VTA1: variants seen among roughly 807,000 people sequenced by gnomAD.
VTA1 encodes vacuolar protein sorting-associated protein VTA1 homolog.
VTA1 carries 24 observed loss-of-function variants against 36.9 expected under a neutral mutation model. The observed-to-expected ratio is 0.65, with a 90% CI of 0.47 to 0.91. The LOEUF is 0.91. VTA1 is among the 40% of genes least tolerant of loss of function. The pLI is 0.00. For missense variants in VTA1, 393 were observed against 377.2 expected, an observed-to-expected ratio of 1.04 and a Z score of -0.35; for synonymous variants, 142 against 130.2, an observed-to-expected ratio of 1.09 and a Z score of -0.62.
chr6:142,163,124 G>A (rs1208842601), intron 1 of VTA1, among the ~76,000 whole-genome samples: 4 of 152,130 alleles, frequency 2.6e-5, no homozygotes, highest in Non-Finnish European at 5.9e-5. Flanking sequence ...ACTCTTTCAT[G>A]TAAAGAAAGT....
chr6:142,198,117 A>ATGTGTGTG lies in VTA1; in HGVS notation c.521-321_521-320insGTGTGTGT, dbSNP rs1265860816. ...GTCTCAAAAAAAAATATATATATATATATGTGTGTGTGTGTGTGTGTGTGT... is the reference window on the plus strand; with the variant it reads ...GTCTCAAAAAAAAATATATATATATATGTGTGTGTATGTGTGTGTGTGTGTGTGTGTGT... On this transcript the variant is annotated intron_variant, in intron 5 of 7. Coordinates refer to ENST00000367630, the MANE Select transcript of VTA1 (RefSeq NM_016485.5). Among the ~76,000 whole-genome samples, 612 of 78,570 alleles carry ATGTGTGTG rather than the reference A, an allele frequency of 7.8e-3. 4 individuals are homozygous for ATGTGTGTG. The highest frequency in any genetic ancestry group is 0.016 in the African/African-American group (400 of 24,878). The allele number at this position is 78,570 out of a possible 152,430, so 51.5% of individuals were successfully genotyped here. A position where few individuals can be genotyped will look rare whatever the true frequency, so the allele number is the denominator to read the frequency against.
chr6:142,217,014 A>G (rs1182399998), intron 7 of VTA1, among the ~76,000 whole-genome samples: 1 of 152,152 alleles, frequency 6.6e-6, no homozygotes, highest in African/African-American at 2.4e-5. Context: ...TCTGGTAGGT[A>G]TTTTTCAAGA....
chr6:142,161,189 C>T (rs1170184203), intron 1 of VTA1, among the ~76,000 whole-genome samples: 1 of 150,152 alleles, frequency 6.7e-6, no homozygotes, highest in Non-Finnish European at 1.5e-5. Context: ...CACAGAAATC[C>T]CTTCACAAAG....
intron 1 of VTA1, among the ~76,000 whole-genome samples, chr6:142,151,448 GAGAAATACT>G (rs1250371850): frequency 1.3e-5 from 2 of 152,112 alleles, no homozygotes; most frequent in Non-Finnish European, 1.5e-5. Flanking sequence ...AAGAACAAAG[GAGAAATACT>G]GAAGATGAGA....
chr6:142,168,543 G>A (rs1283758166), intron 2 of VTA1, among the ~76,000 whole-genome samples: 1 of 151,370 alleles, frequency 6.6e-6, no homozygotes, highest in Non-Finnish European at 1.5e-5. Context: ...TAAAAATTAG[G>A]AACTTTTTTT....
chr6:142,170,442 G>C, intron 4 of VTA1, 21 bp downstream of exon 4: 1 of 1,492,210 alleles, frequency 6.7e-7, no homozygotes, highest in Non-Finnish European at 9.2e-7. Flanking sequence ...ATTCTTTATT[G>C]TCTTATTAGC....
At chr6:142,186,337 TAG>T (rs2114661670) in intron 4 of VTA1, among the ~76,000 whole-genome samples, 1 of 152,246 alleles carries the variant, frequency 6.6e-6, no homozygotes, top group Non-Finnish European at 1.5e-5. Flanking sequence ...TATCCAAAGT[TAG>T]AGTTTATTTT....
intron 4 of VTA1, among the ~76,000 whole-genome samples, chr6:142,176,332 A>G (rs1775124837): frequency 6.6e-6 from 1 of 152,176 alleles, no homozygotes. Context: ...TGAGATGAAT[A>G]TGTTTTCTGC....
At position 142,169,585 on chromosome 6, in the gene VTA1, T is replaced by A. The variant is rs1774989080; in HGVS notation, c.243T>A (p.Thr81=). The stretch of plus-strand genomic sequence containing the variant: ...AGTTGGGTGATAATGAAGCTATTAC[T>A]CAAGAAATAGTGGGCTGTGCCCATT... ...KKQLGDNEAI[T]QEIVGCAHLE... Residue 81 remains threonine (T), a synonymous_variant, in exon 3 of 8, where the codon ACT becomes ACA. Coordinates refer to ENST00000367630, the MANE Select transcript of VTA1 (RefSeq NM_016485.5). 1.2e-6 allele frequency: 2 copies of A among 1,608,696 alleles called. No individual in the cohort carries two copies. Among genetic ancestry groups the A allele is most frequent in the East Asian group, 4.5e-5 (2 of 44,514 alleles).
At chr6:142,199,136 G>A (rs926507439) in intron 6 of VTA1, among the ~76,000 whole-genome samples, 7 of 125,528 alleles carry the variant, frequency 5.6e-5, no homozygotes, top group Non-Finnish European at 9.8e-5. Flanking sequence ...GCAGGGATTC[G>A]GATTTTTTTT....
chr6:142,174,558 T>C (rs1301857568), intron 4 of VTA1, among the ~76,000 whole-genome samples: 1 of 152,152 alleles, frequency 6.6e-6, no homozygotes, highest in Non-Finnish European at 1.5e-5. Context: ...GTTAAATCTT[T>C]AGGAGACTAT....
At position 142,179,844 on chromosome 6, in the gene VTA1, C is replaced by G. The variant is rs145588291; in HGVS notation, c.411+9423C>G. ...TTTATCTTAGTATGGGTTGACAGTT[C>G]TAAACCTGCTTATTCTATATTCTAA... On this transcript the variant is annotated intron_variant, in intron 4 of 7. Transcript: ENST00000367630. Among the ~76,000 whole-genome samples, 603 of 152,156 alleles carry G rather than the reference C, an allele frequency of 4.0e-3. 1 individual carries two copies. Among genetic ancestry groups the G allele is most frequent in the African/African-American group, 0.012 (496 of 41,500 alleles).
chr6:142,162,033 G>A (rs1234931192), intron 1 of VTA1, among the ~76,000 whole-genome samples: 1 of 152,056 alleles, frequency 6.6e-6, no homozygotes, highest in Admixed American at 6.6e-5. Context: ...CCTTGTAATT[G>A]CAAAGACTAC....
At chr6:142,217,819 A>G (rs1029207140) in intron 7 of VTA1, among the ~76,000 whole-genome samples, 4 of 151,988 alleles carry the variant, frequency 2.6e-5, no homozygotes, top group African/African-American at 9.7e-5. Flanking sequence ...ATTCAAGGAA[A>G]TTCGTATCTT....
chr6:142,174,454 A>G lies in VTA1; in HGVS notation c.411+4033A>G, dbSNP rs1450787419. Among the ~76,000 whole-genome samples the G allele has an allele frequency of 5.9e-5, 9 of 152,256 alleles. No individual in the cohort carries two copies. The East Asian group carries it at 1.7e-3, about 29-fold the overall frequency. On this transcript the variant is annotated intron_variant, in intron 4 of 7. Coordinates refer to ENST00000367630, the MANE Select transcript of VTA1 (RefSeq NM_016485.5). ...TACCACCATTCTTTCTTAGAAATAA[A>G]TAACTTGCTTTTAATCTTACAGGCT...
intron 4 of VTA1, among the ~76,000 whole-genome samples, chr6:142,185,105 A>G (rs1449588046): frequency 6.6e-6 from 1 of 151,978 alleles, no homozygotes; most frequent in Non-Finnish European, 1.5e-5. Flanking sequence ...CCCATCTTGC[A>G]TGGCCAAACT....
chr6:142,172,021 T>G (rs765791233), intron 4 of VTA1, among the ~76,000 whole-genome samples: 6 of 152,222 alleles, frequency 3.9e-5, no homozygotes, highest in African/African-American at 1.4e-4. Context: ...GACTTTTCTT[T>G]TTTTGTGAGA....
At chr6:142,181,094 A>AATATATATAT (rs1169535055) in intron 4 of VTA1, among the ~76,000 whole-genome samples, 38 of 36,436 alleles carry the variant, frequency 1.0e-3, no homozygotes, top group Admixed American at 1.2e-3. Flanking sequence ...AAAAAAAAAA[A>AATATATATAT]ATATATATAT....
At chr6:142,214,717 C>T (rs1033469814) in intron 7 of VTA1, among the ~76,000 whole-genome samples, 5 of 152,104 alleles carry the variant, frequency 3.3e-5, no homozygotes, top group Admixed American at 6.5e-5. Context: ...GCAGGTTCAT[C>T]GATTGTGACA....
Sources: allele counts gnomAD v4.1 joint callset (sites outside exome capture counted in the v4.1 genomes callset), GRCh38; gene constraint gnomAD v4.1.1; transcripts MANE v1.5; gene names NCBI Gene and HGNC (gene_info 2026-07-23, HGNC 2026-07-21).